Variants in S100Z observed in about 807,000 individuals in gnomAD.
The protein encoded by S100Z is S100 calcium binding protein Z.
Under a neutral mutation model 8.5 loss-of-function variants are expected in S100Z, and 11 were observed. The ratio of observed to expected loss-of-function variants is 1.30; its 90% confidence interval spans 0.82 to 2.15. The LOEUF is 2.15. S100Z is among the 30% of genes most tolerant of loss of function. The pLI is 0.00. For missense variants in S100Z, 126 were observed against 117.9 expected (o/e 1.07, Z -0.32); for synonymous variants, 34 against 43.8 (o/e 0.78, Z 0.89).
At chr5:76,908,198 A>G (rs1022423390) in intron 4 of S100Z, among the ~76,000 whole-genome samples, 3 of 152,204 alleles carry the variant, frequency 2.0e-5, no homozygotes, top group African/African-American at 7.2e-5. Flanking sequence ...ACATTGGTTT[A>G]CCTGGAACCA....
the S100Z span, among the ~76,000 whole-genome samples, chr5:76,949,444 T>C: frequency 1.3e-5 from 2 of 152,174 alleles, no homozygotes; most frequent in African/African-American, 2.4e-5. Context: ...GGTAATATGA[T>C]TCAGCAAGCC....
the S100Z span, among the ~76,000 whole-genome samples, chr5:76,946,721 A>T: frequency 6.6e-6 from 1 of 152,190 alleles, no homozygotes; most frequent in Non-Finnish European, 1.5e-5. Context: ...GGTATAATTC[A>T]ATAACAGCTA....
chr5:76,924,226 T>G (rs1386635173), downstream of S100Z, among the ~76,000 whole-genome samples: 1 of 152,186 alleles, frequency 6.6e-6, no homozygotes, highest in East Asian at 1.9e-4. Context: ...ATTTACTATA[T>G]AAATTGCCAC....
At chr5:76,910,933 C>G (rs562346234) in intron 4 of S100Z, among the ~76,000 whole-genome samples, 31 of 152,306 alleles carry the variant, frequency 2.0e-4, no homozygotes, top group Admixed American at 7.2e-4. Flanking sequence ...TTTCACATGC[C>G]TTTCTTGTTA....
the S100Z span, among the ~76,000 whole-genome samples, chr5:76,941,918 A>G: frequency 6.6e-6 from 1 of 152,052 alleles, no homozygotes; most frequent in African/African-American, 2.4e-5. Context: ...ATTTGTAGAA[A>G]TTTATTTTAT....
At chr5:76,933,415 CA>C in the S100Z span, among the ~76,000 whole-genome samples, 2 of 152,174 alleles carry the variant, frequency 1.3e-5, no homozygotes, top group Admixed American at 6.5e-5. Flanking sequence ...GGAATCACCT[CA>C]AACAGTGTGA....
intron 4 of S100Z, among the ~76,000 whole-genome samples, chr5:76,916,766 TG>T: frequency 1.3e-5 from 2 of 152,280 alleles, no homozygotes; most frequent in Middle Eastern, 6.8e-3. Context: ...TATCAAAATT[TG>T]TAAGATACTG....
intron 4 of S100Z, among the ~76,000 whole-genome samples, chr5:76,897,628 A>AT (rs972061990): frequency 1.6e-4 from 24 of 151,940 alleles, no homozygotes; most frequent in South Asian, 8.3e-4. Context: ...GCATTTTTCT[A>AT]TTTTTTTGGT....
chr5:76,947,078 A>T, the S100Z span, among the ~76,000 whole-genome samples: 32 of 152,322 alleles, frequency 2.1e-4, no homozygotes, highest in African/African-American at 6.5e-4. Context: ...TAACATGTAA[A>T]ACTTAGAATT....
chr5:76,940,409 CTTT>C, the S100Z span, among the ~76,000 whole-genome samples: 6 of 147,974 alleles, frequency 4.1e-5, no homozygotes, highest in Admixed American at 1.3e-4. Context: ...CAATTTTTTT[CTTT>C]TTTTTTTTTC....
chr5:76,926,151 T>C (rs1434558544), downstream of S100Z, among the ~76,000 whole-genome samples: 1 of 152,046 alleles, frequency 6.6e-6, no homozygotes, highest in African/African-American at 2.4e-5. Context: ...TGTTTTTTTT[T>C]CTGAGGAATG....
At chr5:76,931,249 G>A in the S100Z span, among the ~76,000 whole-genome samples, 760 of 152,168 alleles carry the variant, frequency 5.0e-3, 12 homozygotes, top group African/African-American at 0.017. Context: ...TGGGACTTAT[G>A]GAGGTGTGTC....
intron 4 of S100Z, among the ~76,000 whole-genome samples, chr5:76,917,123 CAAAA>C (rs35232494): frequency 1.2e-5 from 1 of 81,320 alleles, no homozygotes; most frequent in African/African-American, 4.8e-5. Flanking sequence ...GAGACTGTCT[CAAAA>C]AAAAAAAAAA....
At chr5:76,863,469 C>A (rs1260988436) in intron 1 of S100Z, among the ~76,000 whole-genome samples, 1 of 152,180 alleles carries the variant, frequency 6.6e-6, no homozygotes, top group Non-Finnish European at 1.5e-5. Flanking sequence ...TTAATAATAA[C>A]CTGTAATGCA....
intron 4 of S100Z, among the ~76,000 whole-genome samples, chr5:76,903,199 A>G (rs1417546168): frequency 1.3e-5 from 2 of 152,162 alleles, no homozygotes; most frequent in Non-Finnish European, 2.9e-5. Context: ...AAATATATAT[A>G]AGAATAAGGC....
intron 1 of S100Z, among the ~76,000 whole-genome samples, chr5:76,853,811 A>C (rs1750799268): frequency 6.6e-6 from 1 of 150,940 alleles, no homozygotes; most frequent in Non-Finnish European, 1.5e-5. Context: ...AAAAAAAAAA[A>C]GAAATTGTAA....
At chr5:76,915,221 C>T (rs568479217) in intron 4 of S100Z, among the ~76,000 whole-genome samples, 33 of 149,662 alleles carry the variant, frequency 2.2e-4, no homozygotes, top group African/African-American at 6.4e-4. Flanking sequence ...CAGGAGAATG[C>T]GTAAACCTGG....
intron 1 of S100Z, among the ~76,000 whole-genome samples, chr5:76,868,769 G>A (rs547683416): frequency 1.3e-5 from 2 of 152,072 alleles, no homozygotes; most frequent in East Asian, 1.9e-4. Context: ...GACTACAGGC[G>A]CATGCCACCA....
At chr5:76,906,814 G>A (rs2150675554) in intron 4 of S100Z, among the ~76,000 whole-genome samples, 1 of 151,382 alleles carries the variant, frequency 6.6e-6, no homozygotes, top group South Asian at 2.1e-4. Flanking sequence ...TGTGTTTTTA[G>A]TAGAGACAGG....
Sources: allele counts gnomAD v4.1 joint callset (sites outside exome capture counted in the v4.1 genomes callset), GRCh38; gene constraint gnomAD v4.1.1; transcripts MANE v1.5; gene names NCBI Gene and HGNC (gene_info 2026-07-23, HGNC 2026-07-21).